Variants in ZNF254 observed in about 807,000 individuals in gnomAD.
ZNF254 encodes the protein CTD-2017D11.1.
A neutral mutation model predicts 12.4 loss-of-function variants in ZNF254; 10 were observed. The observed-to-expected ratio is 0.80, with a 90% CI of 0.50 to 1.36. The LOEUF is 1.36. Among genes scored for constraint, ZNF254 ranks in the 40% most tolerant of loss-of-function variants. The pLI is 0.00. For missense variants in ZNF254, 996 were observed against 763.9 expected (o/e 1.30, Z -3.58); for synonymous variants, 305 against 253.4 (o/e 1.20, Z -1.93).
chr19:24,093,962 A>G (rs991739540), intron 1 of ZNF254, among the ~76,000 whole-genome samples: 5 of 152,004 alleles, frequency 3.3e-5, no homozygotes, highest in Admixed American at 1.3e-4. Context: ...TTCTTTAAGC[A>G]TTGTTTTGCA....
chr19:24,056,469 CAT>C (rs1300404659), intron 2 of ZNF254, among the ~76,000 whole-genome samples: 3 of 152,080 alleles, frequency 2.0e-5, no homozygotes, highest in Non-Finnish European at 4.4e-5. Flanking sequence ...GAGATGGAGA[CAT>C]ATTGTGGAGC....
chr19:24,089,991 C>A (rs1032518532), intron 1 of ZNF254, among the ~76,000 whole-genome samples: 8 of 150,686 alleles, frequency 5.3e-5, no homozygotes, highest in African/African-American at 1.7e-4. Context: ...GAGTTCGAGA[C>A]CAGCTGGCCA....
At chr19:24,121,804 T>A (rs2145964956) in intron 3 of ZNF254, among the ~76,000 whole-genome samples, 1 of 152,116 alleles carries the variant, frequency 6.6e-6, no homozygotes, top group Middle Eastern at 3.4e-3. Context: ...ATCCACCCTC[T>A]TCAGCCTCCC....
At chr19:24,124,118 T>C (rs553948680) in intron 3 of ZNF254, among the ~76,000 whole-genome samples, 2 of 152,182 alleles carry the variant, frequency 1.3e-5, no homozygotes, top group South Asian at 4.1e-4. Flanking sequence ...CTTTGACTTA[T>C]TTTGTTTTGT....
At chr19:24,068,983 A>C (rs1971380531) in intron 2 of ZNF254, among the ~76,000 whole-genome samples, 1 of 152,076 alleles carries the variant, frequency 6.6e-6, no homozygotes, top group Non-Finnish European at 1.5e-5. Context: ...ATCAAGGGAC[A>C]AAAACACTGA....
At chr19:24,100,798 ACTGT>A (rs1972976006) in intron 1 of ZNF254, among the ~76,000 whole-genome samples, 1 of 149,152 alleles carries the variant, frequency 6.7e-6, no homozygotes, top group Non-Finnish European at 1.5e-5. Flanking sequence ...GCCCAAATAA[ACTGT>A]CTACTTATAT....
intron 2 of ZNF254, among the ~76,000 whole-genome samples, chr19:24,055,260 G>T (rs112994488): frequency 1.5e-5 from 1 of 65,008 alleles, no homozygotes; most frequent in Non-Finnish European, 2.7e-5. Flanking sequence ...CCAGCACACA[G>T]AGGAGATTTT....
intron 2 of ZNF254, among the ~76,000 whole-genome samples, chr19:24,051,897 G>A (rs1248479948): frequency 2.0e-5 from 3 of 152,114 alleles, no homozygotes; most frequent in East Asian, 1.9e-4. Context: ...ACCCTAGGTC[G>A]TGTGATTCTT....
At chr19:24,053,949 CTCCTGCCTGGGCTCTG>C (rs1390614922) in intron 2 of ZNF254, among the ~76,000 whole-genome samples, 3 of 149,552 alleles carry the variant, frequency 2.0e-5, no homozygotes, top group Admixed American at 1.3e-4. Context: ...GGATTGCATG[CTCCTGCCTGGGCTCTG>C]CCCACAGGGA....
At chr19:24,052,773 C>T (rs1322889085) in intron 2 of ZNF254, among the ~76,000 whole-genome samples, 1 of 152,162 alleles carries the variant, frequency 6.6e-6, no homozygotes, top group African/African-American at 2.4e-5. Flanking sequence ...CTGGTCAATC[C>T]CTATTCACTG....
chr19:24,065,258 G>A (rs576984495), intron 2 of ZNF254, among the ~76,000 whole-genome samples: 19 of 152,260 alleles, frequency 1.2e-4, no homozygotes, highest in Non-Finnish European at 1.9e-4. Context: ...TCTTTTCTGG[G>A]CTTTGCCTAC....
rs138836968 is a variant in ZNF254 at position 24,116,315 on chromosome 19, C to T, written c.253+9672C>T. On this transcript the variant is annotated intron_variant, in intron 3 of 3. Transcript: ENST00000357002. Reference sequence around the variant, plus strand: ...TTTTCCAACTTGGTTCCATTCTCTCCGTCACTTTCAGGTACACCAATCAGA... The same window carrying T: ...TTTTCCAACTTGGTTCCATTCTCTCTGTCACTTTCAGGTACACCAATCAGA... 1.0e-3 allele frequency among the ~76,000 whole-genome samples: 156 copies of T among 152,216 alleles called. No individual in the cohort carries two copies. The East Asian group carries it at 0.022, about 21-fold the overall frequency.
chr19:24,057,228 C>T (rs1277163981), intron 2 of ZNF254, among the ~76,000 whole-genome samples: 1 of 152,208 alleles, frequency 6.6e-6, no homozygotes, highest in South Asian at 2.1e-4. Context: ...TTGTCACCCT[C>T]ATCCATGGAC....
At chr19:24,053,918 T>C (rs1970741865) in intron 2 of ZNF254, among the ~76,000 whole-genome samples, 1 of 152,090 alleles carries the variant, frequency 6.6e-6, no homozygotes, top group Non-Finnish European at 1.5e-5. Context: ...TTGTAAAATA[T>C]TGCTAGGCCC....
rs769758332 is a variant in ZNF254 at position 24,087,258 on chromosome 19, C to A, written c.-50C>A. The A allele has an allele frequency of 1.2e-6, 2 of 1,611,032 alleles. No homozygotes were observed. Among genetic ancestry groups the A allele is most frequent in the South Asian group, 2.2e-5 (2 of 91,044 alleles). ...CTCTGTGTCCTCTGCTCCTAGAGGC[C>A]CAGCCTCTGTGGCGCTGTTACCAGC... is the stretch of plus-strand genomic sequence containing the variant. On this transcript the variant is annotated 5_prime_UTR_variant, in exon 1 of 4. Coordinates refer to ENST00000357002, the MANE Select transcript of ZNF254 (RefSeq NM_203282.4).
chr19:24,083,547 G>T (rs952056711), upstream of ZNF254, among the ~76,000 whole-genome samples: 2 of 152,090 alleles, frequency 1.3e-5, no homozygotes, highest in African/African-American at 4.8e-5. Flanking sequence ...GATCAAAAAT[G>T]TTAAGACCTG....
chr19:24,083,845 C>T (rs1006041201), upstream of ZNF254, among the ~76,000 whole-genome samples: 4 of 152,090 alleles, frequency 2.6e-5, no homozygotes, highest in South Asian at 4.2e-4. Flanking sequence ...AATGCATGTT[C>T]GCATGGTTTT....
chr19:24,126,359 TAC>T lies in ZNF254; in HGVS notation c.361_362del (p.Gln121ValfsTer6). 1 of 1,609,866 alleles carries T rather than the reference TAC, an allele frequency of 6.2e-7. No individual in the cohort carries two copies. The highest frequency in any genetic ancestry group is 8.5e-7 in the Non-Finnish European group (1 of 1,178,270). The stretch of plus-strand genomic sequence containing the variant: ...TATGGAAAATATGGACATGAGAATT[TAC>T]AGTTAAGAAAAGGCTGTAAAAGTGT... On this transcript the variant is annotated frameshift_variant, in exon 4 of 4. Transcript: ENST00000357002. LOFTEE classifies it low-confidence loss of function (END_TRUNC).
Position 24,127,453 on chromosome 19 carries a change from A to G in ZNF254, c.1453A>G (p.Thr485Ala). The change falls in exon 4 of 4, where the codon ACT becomes GCT. Residue 485 changes from threonine (T) to alanine (A), a missense_variant. Physicochemically the swap from Thr to Ala is moderately conservative, Grantham distance 58. Coordinates refer to ENST00000357002, the MANE Select transcript of ZNF254 (RefSeq NM_203282.4). ...STLTRHKRMH[T>A]GEKPYKCEEC... is the part of the protein sequence containing the mutation. ...CCTAACTAGACATAAGAGGATGCAC[A>G]CTGGAGAGAAACCCTACAAATGTGA... is the stretch of plus-strand genomic sequence containing the variant. 1 of 1,612,578 alleles carries G rather than the reference A, an allele frequency of 6.2e-7. No individual in the cohort carries two copies. Among genetic ancestry groups the G allele is most frequent in the Non-Finnish European group, 8.5e-7 (1 of 1,178,892 alleles).
Sources: allele counts gnomAD v4.1 joint callset (sites outside exome capture counted in the v4.1 genomes callset), GRCh38; gene constraint gnomAD v4.1.1; transcripts MANE v1.5; gene names NCBI Gene and HGNC (gene_info 2026-07-23, HGNC 2026-07-21).